Variants in CEP41 observed in about 807,000 individuals in gnomAD.
CEP41 encodes centrosomal protein 41.
CEP41 carries 32 observed loss-of-function variants against 44.3 expected under a neutral mutation model. The observed-to-expected ratio is 0.72, with a 90% confidence interval of 0.54 to 0.97. The LOEUF is 0.97. Among genes scored for constraint, CEP41 ranks in the 50% least tolerant of loss-of-function variants. The pLI is 0.00. For missense variants in CEP41, 432 were observed against 455.2 expected (o/e 0.95, Z 0.46); for synonymous variants, 151 against 168.5 (o/e 0.90, Z 0.80).
intron 8 of CEP41, chr7:130,401,141 A>C: frequency 2.9e-6 from 1 of 341,010 alleles, no homozygotes; most frequent in Non-Finnish European, 5.6e-6. Context: ...AGATGAAGAA[A>C]TAGAACAACT....
At chr7:130,436,655 T>C (rs2117713822) in intron 1 of CEP41, among the ~76,000 whole-genome samples, 1 of 152,192 alleles carries the variant, frequency 6.6e-6, no homozygotes, top group East Asian at 1.9e-4. Flanking sequence ...TTTTTTTTTT[T>C]TTGCAACTTC....
chr7:130,409,319 A>T (rs1797104968), intron 5 of CEP41, among the ~76,000 whole-genome samples: 1 of 152,240 alleles, frequency 6.6e-6, no homozygotes, highest in Non-Finnish European at 1.5e-5. Flanking sequence ...TTTATCTCAG[A>T]AGAGAAAATT....
intron 1 of CEP41, chr7:130,440,427 G>A: frequency 4.6e-6 from 1 of 216,344 alleles, no homozygotes; most frequent in South Asian, 7.5e-5. Context: ...CACAAATGCA[G>A]CAGGGGACTA....
intron 3 of CEP41, 92 bp downstream of exon 3, chr7:130,416,827 T>C (rs1349722806): frequency 2.0e-6 from 2 of 990,580 alleles, no homozygotes; most frequent in Non-Finnish European, 3.3e-6. Flanking sequence ...TCTCTGTGCC[T>C]GTCACCTGTG....
At chr7:130,411,020 C>G in intron 5 of CEP41, 102 bp downstream of exon 5, 1 of 977,180 alleles carries the variant, frequency 1.0e-6, no homozygotes, top group Middle Eastern at 2.1e-4. Context: ...ATAGATACAT[C>G]AAAGTCCCAG....
In CEP41 at chr7:130,398,988, G is replaced by A; in HGVS notation, c.1025C>T (p.Ala342Val). 1.9e-6 allele frequency: 3 copies of A among 1,614,130 alleles called. No individual in the cohort carries two copies. Among genetic ancestry groups the A allele is most frequent in the Non-Finnish European group, 2.5e-6 (3 of 1,180,030 alleles). The change falls in exon 11 of 11, where the codon GCC (alanine) becomes GTC (valine). Residue 342 changes from alanine to valine, a missense_variant. Coordinates refer to ENST00000223208, the MANE Select transcript of CEP41 (RefSeq NM_018718.3). Reference sequence around the variant, plus strand: ...ACCTGGCAGATTCTGAGCGCTTCGGGCACCAGGCACCTTGGACTCTCTTCC... The same window carrying A: ...ACCTGGCAGATTCTGAGCGCTTCGGACACCAGGCACCTTGGACTCTCTTCC... ...SSGRESKVPGARSAQNLPGGG... is the reference protein window; with the variant it reads ...SSGRESKVPGVRSAQNLPGGG...
rs546082691 is a variant in CEP41, at chr7:130,395,231, C to T, written c.*3660G>A. ...ATGTATTCTGAACATTTTGGAAGCA[C>T]AATGTTATTTATTGCTTTTGCATGA... On this transcript the variant is annotated 3_prime_UTR_variant, in exon 11 of 11. Transcript: ENST00000223208. 51 of 451,932 alleles carry T rather than the reference C, an allele frequency of 1.1e-4. No homozygotes were observed. The highest frequency in any genetic ancestry group is 2.1e-4 in the Non-Finnish European group (47 of 225,384). The allele number at this position is 451,932 out of a possible 1,614,324, so 28.0% of individuals were successfully genotyped here. A position where few individuals can be genotyped will look rare whatever the true frequency, so the allele number is the denominator to read the frequency against.
At chr7:130,435,636 G>C (rs2117709300) in intron 1 of CEP41, among the ~76,000 whole-genome samples, 1 of 152,214 alleles carries the variant, frequency 6.6e-6, no homozygotes, top group Non-Finnish European at 1.5e-5. Context: ...ATACACCCTT[G>C]GCAGGAATGT....
intron 1 of CEP41, among the ~76,000 whole-genome samples, chr7:130,428,251 C>T (rs1166899530): frequency 1.3e-5 from 2 of 151,516 alleles, no homozygotes; most frequent in African/African-American, 4.9e-5. Context: ...TGGTGAAACC[C>T]CATCTCTACT....
intron 2 of CEP41, among the ~76,000 whole-genome samples, chr7:130,425,567 T>A (rs1797636347): frequency 1.3e-5 from 2 of 152,178 alleles, no homozygotes; most frequent in South Asian, 4.1e-4. Flanking sequence ...TGTAAAATGG[T>A]ACAGTCACTT....
At chr7:130,403,586 A>C (rs1051734203) in intron 6 of CEP41, among the ~76,000 whole-genome samples, 1 of 152,244 alleles carries the variant, frequency 6.6e-6, no homozygotes, top group Admixed American at 6.5e-5. Flanking sequence ...TACTGGAATA[A>C]GAAGATGGTT....
chr7:130,395,640 C>T lies in CEP41; in HGVS notation c.*3251G>A. 1 of 454,072 alleles carries T rather than the reference C, an allele frequency of 2.2e-6. No homozygotes were observed. Among genetic ancestry groups the T allele is most frequent in the Non-Finnish European group, 4.4e-6 (1 of 226,770 alleles). The allele number at this position is 454,072 out of a possible 1,614,324, so 28.1% of individuals were successfully genotyped here. On this transcript the variant is annotated 3_prime_UTR_variant, in exon 11 of 11. Transcript: ENST00000223208. ...CACAAGAAAAATTACCTACGTATTTCTTCCTAGCCTAGGACTCTGATTTCA... is the reference window on the plus strand; with the variant it reads ...CACAAGAAAAATTACCTACGTATTTTTTCCTAGCCTAGGACTCTGATTTCA...
Position 130,431,568 on chromosome 7 carries a change from G to C in CEP41, c.34-3550C>G, listed in dbSNP as rs1376841809. 2.0e-5 allele frequency among the ~76,000 whole-genome samples: 3 copies of C among 152,234 alleles called. No homozygotes were observed. The East Asian group carries it at 5.8e-4, about 29-fold the overall frequency. On this transcript the variant is annotated intron_variant, in intron 1 of 10. Coordinates refer to ENST00000223208, the MANE Select transcript of CEP41 (RefSeq NM_018718.3). ...CACATCAGATTGGCACCTAATCCAG[G>C]TTAAAAGAGTCAAGAACTGTTTCTT...
At chr7:130,421,047 A>T (rs1175949996) in intron 2 of CEP41, 7 of 981,168 alleles carry the variant, frequency 7.1e-6, no homozygotes, top group Middle Eastern at 5.2e-4. Context: ...TACTTTGTTT[A>T]CTTACAACTA....
At position 130,404,591 on chromosome 7, in the gene CEP41, C is replaced by G; in HGVS notation, c.395G>C (p.Gly132Ala). The G allele has an allele frequency of 6.2e-7, 1 of 1,613,860 alleles. No individual in the cohort carries two copies. Among genetic ancestry groups the G allele is most frequent in the Non-Finnish European group, 8.5e-7 (1 of 1,179,770 alleles). The change falls in exon 6 of 11, where the codon GGG (glycine) becomes GCG (alanine). Residue 132 changes from glycine to alanine, a missense_variant. Transcript: ENST00000223208. ...CTGAAGAGTTGAGCGGCTGGAGTCC[C>G]CTGCTCCTGCGTTGTTTATGAACTG... Reference protein sequence around the residue: ...PEQFINNAGAGDSSRSTLQSV... With the variant: ...PEQFINNAGAADSSRSTLQSV...
At chr7:130,399,395 A>T in intron 10 of CEP41, 1 of 316,356 alleles carries the variant, frequency 3.2e-6, no homozygotes, top group South Asian at 3.6e-5. Context: ...AGGTAGGAAG[A>T]CAAACCACAG....
At chr7:130,403,003 C>T (rs1796900562) in intron 6 of CEP41, among the ~76,000 whole-genome samples, 1 of 152,202 alleles carries the variant, frequency 6.6e-6, no homozygotes, top group African/African-American at 2.4e-5. Flanking sequence ...CTGGACCCCA[C>T]AGAGGAGACC....
chr7:130,405,082 A>C (rs1245818452), intron 5 of CEP41, among the ~76,000 whole-genome samples: 1 of 152,220 alleles, frequency 6.6e-6, no homozygotes, highest in East Asian at 1.9e-4. Context: ...ACAGTAAATA[A>C]GTATGGCAGT....
At chr7:130,439,650 A>G (rs1348605023) in intron 1 of CEP41, among the ~76,000 whole-genome samples, 1 of 152,186 alleles carries the variant, frequency 6.6e-6, no homozygotes, top group Admixed American at 6.5e-5. Flanking sequence ...CCAATTGACC[A>G]TGGCTCTCTT....
Sources: allele counts gnomAD v4.1 joint callset (sites outside exome capture counted in the v4.1 genomes callset), GRCh38; gene constraint gnomAD v4.1.1; transcripts MANE v1.5; gene names NCBI Gene and HGNC (gene_info 2026-07-23, HGNC 2026-07-21).